FAM13A: variants seen among roughly 807,000 people sequenced by gnomAD.
FAM13A encodes the protein family with sequence similarity 13 member A, also known as protein FAM13A.
Under a neutral mutation model 129.6 loss-of-function variants are expected in FAM13A, and 76 were observed. The ratio of observed to expected loss-of-function variants is 0.59; its 90% CI spans 0.49 to 0.71. The LOEUF (loss-of-function observed/expected upper bound fraction) is 0.71. Among genes scored for constraint, FAM13A ranks in the 30% least tolerant of loss-of-function variants. The pLI, the probability that FAM13A is intolerant of heterozygous loss-of-function variation, is 0.00. For synonymous variants in FAM13A, 443 were observed against 449.9 expected, an observed-to-expected ratio of 0.98 and a Z score of 0.20; for missense variants, 1,108 against 1,249.3, an observed-to-expected ratio of 0.89 and a Z score of 1.70.
intron 3 of FAM13A, among the ~76,000 whole-genome samples, chr4:89,007,467 G>A (rs547721526): frequency 2.0e-5 from 3 of 151,978 alleles, no homozygotes; most frequent in East Asian, 1.9e-4. Flanking sequence ...AAAGATCCTC[G>A]AGCCCCAGTC....
intron 8 of FAM13A, among the ~76,000 whole-genome samples, chr4:88,793,927 T>C (rs1206560425): frequency 6.6e-6 from 1 of 151,968 alleles, no homozygotes; most frequent in African/African-American, 2.4e-5. Flanking sequence ...TTTTAAAGAA[T>C]ATTTAACAAA....
chr4:88,937,904 T>C (rs1375422883), intron 5 of FAM13A, 184 bp downstream of exon 5: 5 of 573,196 alleles, frequency 8.7e-6, no homozygotes, highest in Non-Finnish European at 1.5e-5. Flanking sequence ...ATTCTTGAAT[T>C]TTAGAAGGCT....
intron 9 of FAM13A, 81 bp from the exon 10 acceptor site, chr4:88,788,013 G>A: frequency 9.1e-7 from 1 of 1,102,840 alleles, no homozygotes. Context: ...TACAGTTTTG[G>A]GAACATCTGT....
chr4:88,986,149 T>G (rs1000094080), intron 4 of FAM13A, among the ~76,000 whole-genome samples: 116 of 152,156 alleles, frequency 7.6e-4, no homozygotes, highest in African/African-American at 2.7e-3. Flanking sequence ...TTTTTTTTTT[T>G]TTGAGATTGA....
intron 2 of FAM13A, among the ~76,000 whole-genome samples, chr4:89,026,779 C>T (rs1560859971): frequency 6.6e-6 from 1 of 152,172 alleles, no homozygotes; most frequent in Non-Finnish European, 1.5e-5. Context: ...GATTATAATT[C>T]AAGATAAGAT....
intron 10 of FAM13A, among the ~76,000 whole-genome samples, chr4:88,786,174 C>T (rs1048536178): frequency 3.3e-5 from 5 of 152,196 alleles, no homozygotes; most frequent in African/African-American, 1.2e-4. Flanking sequence ...TCTACCTCCA[C>T]TGTCCTCCCC....
At chr4:89,032,095 T>G (rs1236510026) in intron 1 of FAM13A, among the ~76,000 whole-genome samples, 1 of 152,024 alleles carries the variant, frequency 6.6e-6, no homozygotes, top group South Asian at 2.1e-4. Context: ...TTAAAAAAAA[T>G]TAGCCGGACA....
intron 3 of FAM13A, 98 bp downstream of exon 3, chr4:89,020,362 C>A: frequency 2.9e-6 from 2 of 690,834 alleles, no homozygotes; most frequent in East Asian, 4.0e-5. Context: ...AGCAATCTTT[C>A]TACCTCAGCC....
intron 5 of FAM13A, among the ~76,000 whole-genome samples, chr4:88,925,147 C>T (rs1175889050): frequency 1.4e-4 from 21 of 151,798 alleles, no homozygotes; most frequent in Admixed American, 7.2e-4. Context: ...GTCAGTGTGG[C>T]GATTCCTCAG....
chr4:88,820,826 C>G (rs993593937), intron 7 of FAM13A, among the ~76,000 whole-genome samples: 3 of 152,188 alleles, frequency 2.0e-5, no homozygotes, highest in African/African-American at 7.2e-5. Flanking sequence ...TTCTCATGCA[C>G]TCAAAGTATG....
At chr4:88,823,149 C>T (rs41284761) in intron 7 of FAM13A, 20,421 of 1,506,938 alleles carry the variant, frequency 0.014, 705 homozygotes, top group African/African-American at 0.13. Context: ...ACAACTTGCT[C>T]TGCAGTTGGC....
intron 6 of FAM13A, among the ~76,000 whole-genome samples, chr4:88,889,138 G>C (rs905846159): frequency 6.6e-6 from 1 of 152,114 alleles, no homozygotes; most frequent in African/African-American, 2.4e-5. Context: ...GGTCTAATCA[G>C]GGAGCCTCCA....
chr4:88,865,583 A>C (rs1463380122), intron 6 of FAM13A, among the ~76,000 whole-genome samples: 1 of 152,248 alleles, frequency 6.6e-6, no homozygotes, highest in East Asian at 1.9e-4. Flanking sequence ...AGATGTTTAC[A>C]TCAATCTACA....
intron 4 of FAM13A, among the ~76,000 whole-genome samples, chr4:88,955,488 C>T (rs543354921): frequency 8.9e-4 from 136 of 152,142 alleles, no homozygotes; most frequent in Non-Finnish European, 1.6e-3. Context: ...AAATTGGTAC[C>T]GGGTAGTGGA....
intron 4 of FAM13A, among the ~76,000 whole-genome samples, chr4:88,963,073 T>C (rs1312693491): frequency 6.6e-6 from 1 of 152,208 alleles, no homozygotes; most frequent in Non-Finnish European, 1.5e-5. Flanking sequence ...TTTTTGGGTA[T>C]AATTTTAATT....
intron 3 of FAM13A, among the ~76,000 whole-genome samples, chr4:89,012,398 G>A (rs1200347656): frequency 6.6e-6 from 1 of 152,202 alleles, no homozygotes; most frequent in Non-Finnish European, 1.5e-5. Context: ...CCCTTCGAGT[G>A]TGTCTCTTAA....
chr4:88,876,599 CTTTTT>C (rs548848332), intron 6 of FAM13A, among the ~76,000 whole-genome samples: 1 of 149,354 alleles, frequency 6.7e-6, no homozygotes, highest in Non-Finnish European at 1.5e-5. Context: ...CACATCACTT[CTTTTT>C]TTTTTGAGAC....
intron 4 of FAM13A, among the ~76,000 whole-genome samples, chr4:88,954,672 C>G (rs1191266553): frequency 2.6e-5 from 4 of 152,082 alleles, no homozygotes; most frequent in African/African-American, 9.7e-5. Context: ...ATTGCCTGAG[C>G]TCAGGAGTTC....
chr4:88,929,666 C>A (rs1377257483), intron 5 of FAM13A, among the ~76,000 whole-genome samples: 1 of 151,894 alleles, frequency 6.6e-6, no homozygotes. Context: ...CCTACTTGGT[C>A]AAGTCTATTA....
Sources: gnomAD v4.1 joint callset for allele counts (sites outside exome capture counted in the v4.1 genomes callset) on GRCh38, gnomAD v4.1.1 for gene constraint, MANE v1.5 for transcripts, NCBI Gene and HGNC (gene_info 2026-07-23, HGNC 2026-07-21) for gene names.